The following ADAMTS19 variants were observed in gnomAD, a reference collection of about 807,000 sequenced individuals.
ADAMTS19 encodes the protein ADAM metallopeptidase with thrombospondin type 1 motif 19, also known as A disintegrin and metalloproteinase with thrombospondin motifs 19.
In ADAMTS19, 93 loss-of-function variants were observed where a neutral mutation model predicts 153.3. The ratio of observed to expected loss-of-function variants is 0.61; its 90% CI spans 0.51 to 0.72. ADAMTS19 has a LOEUF of 0.72. ADAMTS19 is among the 30% of genes least tolerant of loss of function. The pLI, the probability that ADAMTS19 is intolerant of heterozygous loss-of-function variation, is 0.00. For synonymous variants in ADAMTS19, 600 were observed against 556.6 expected, an observed-to-expected ratio of 1.08 and a Z score of -1.10; for missense variants, 1,482 against 1,552.1, an observed-to-expected ratio of 0.95 and a Z score of 0.76.
chr5:129,612,751 A>T (rs1367976276), intron 8 of ADAMTS19, among the ~76,000 whole-genome samples: 1 of 152,144 alleles, frequency 6.6e-6, no homozygotes, highest in South Asian at 2.1e-4. Flanking sequence ...GGCAAATTGG[A>T]TAAAGAGTCA....
chr5:129,620,632 A>G lies in ADAMTS19; in HGVS notation c.1493A>G (p.His498Arg), dbSNP rs1283888407. Reference protein sequence around the residue: ...HEMGHNMGINHDNDHPSCADG... With the variant: ...HEMGHNMGINRDNDHPSCADG... ...TTCCAAATCAGCATGGGCATTAACCATGACAATGACCACCCATCGTGTGCT... is the reference window on the plus strand; with the variant it reads ...TTCCAAATCAGCATGGGCATTAACCGTGACAATGACCACCCATCGTGTGCT... Residue 498 changes from histidine to arginine, a missense_variant, in exon 9 of 23, where the codon CAT becomes CGT. By Grantham distance (29) the His-to-Arg change is conservative. Transcript: ENST00000274487. 1 of 1,605,188 alleles carries G rather than the reference A, an allele frequency of 6.2e-7. No homozygotes were observed. Among genetic ancestry groups the G allele is most frequent in the Non-Finnish European group, 8.5e-7 (1 of 1,175,336 alleles).
intron 8 of ADAMTS19, among the ~76,000 whole-genome samples, chr5:129,605,430 T>C (rs1270743025): frequency 6.6e-6 from 1 of 152,224 alleles, no homozygotes; most frequent in Non-Finnish European, 1.5e-5. Context: ...CTTTGATTTC[T>C]GCCTGGAAAG....
chr5:129,592,648 A>T (rs1750195927), intron 7 of ADAMTS19, among the ~76,000 whole-genome samples: 2 of 152,154 alleles, frequency 1.3e-5, no homozygotes. Flanking sequence ...AATTTATCAG[A>T]GTCTCAGTTG....
chr5:129,519,470 C>T, intron 3 of ADAMTS19, among the ~76,000 whole-genome samples: 1 of 152,014 alleles, frequency 6.6e-6, no homozygotes, highest in East Asian at 1.9e-4. Flanking sequence ...ACTCCCTTGG[C>T]CATCCTAGCT....
intron 7 of ADAMTS19, among the ~76,000 whole-genome samples, chr5:129,554,633 T>C (rs553975441): frequency 6.6e-6 from 1 of 152,224 alleles, no homozygotes; most frequent in South Asian, 2.1e-4. Context: ...TCCTGGATGA[T>C]ATTGTTGAAT....
At chr5:129,665,276 T>C (rs548219288) in intron 15 of ADAMTS19, among the ~76,000 whole-genome samples, 1 of 151,552 alleles carries the variant, frequency 6.6e-6, no homozygotes, top group African/African-American at 2.4e-5. Flanking sequence ...TTACATAAAA[T>C]AAAAGTGCCT....
At chr5:129,663,067 TG>T (rs1357417819) in intron 15 of ADAMTS19, among the ~76,000 whole-genome samples, 7 of 152,002 alleles carry the variant, frequency 4.6e-5, no homozygotes, top group Non-Finnish European at 1.0e-4. Context: ...GCTAATTTTT[TG>T]TATTTTTAGT....
intron 2 of ADAMTS19, among the ~76,000 whole-genome samples, chr5:129,471,765 C>G (rs987806517): frequency 6.6e-5 from 10 of 152,118 alleles, no homozygotes; most frequent in Non-Finnish European, 1.5e-5. Context: ...TCCATGTGTT[C>G]TCATCATTTA....
intron 21 of ADAMTS19, among the ~76,000 whole-genome samples, chr5:129,709,585 T>G (rs929824418): frequency 1.3e-5 from 2 of 152,198 alleles, no homozygotes; most frequent in Admixed American, 6.5e-5. Context: ...TCTTTAAGTG[T>G]GCTTTGCATA....
intron 21 of ADAMTS19, among the ~76,000 whole-genome samples, chr5:129,723,842 G>GTT (rs1757100905): frequency 6.6e-6 from 1 of 152,190 alleles, no homozygotes; most frequent in Non-Finnish European, 1.5e-5. Context: ...TTTGGGAAAC[G>GTT]TAAGACACCA....
intron 16 of ADAMTS19, among the ~76,000 whole-genome samples, chr5:129,673,969 G>A (rs1014006146): frequency 3.3e-5 from 5 of 151,996 alleles, no homozygotes; most frequent in African/African-American, 9.7e-5. Flanking sequence ...GGTAACTCAC[G>A]CCTGTAATGC....
chr5:129,702,101 A>G (rs1452506634), intron 20 of ADAMTS19, among the ~76,000 whole-genome samples: 1 of 152,152 alleles, frequency 6.6e-6, no homozygotes, highest in Non-Finnish European at 1.5e-5. Flanking sequence ...CCTAAGTCCT[A>G]CCTAAGTGGT....
intron 21 of ADAMTS19, among the ~76,000 whole-genome samples, chr5:129,705,195 A>G (rs1352695664): frequency 6.6e-6 from 1 of 152,154 alleles, no homozygotes; most frequent in Non-Finnish European, 1.5e-5. Context: ...CCATGCTTAG[A>G]TGGTCATAAT....
At chr5:129,545,114 T>G (rs1038647415) in intron 6 of ADAMTS19, among the ~76,000 whole-genome samples, 8 of 151,826 alleles carry the variant, frequency 5.3e-5, no homozygotes, top group Non-Finnish European at 1.2e-4. Context: ...TTTTAAAAAG[T>G]ACTAACAGGG....
At chr5:129,610,624 A>C (rs1751159643) in intron 8 of ADAMTS19, among the ~76,000 whole-genome samples, 1 of 152,162 alleles carries the variant, frequency 6.6e-6, no homozygotes, top group Admixed American at 6.6e-5. Flanking sequence ...TGAACTCATC[A>C]TTTTTTATGG....
At chr5:129,734,906 C>G in intron 21 of ADAMTS19, 26 bp from the exon 22 acceptor site, 1 of 1,495,846 alleles carries the variant, frequency 6.7e-7, no homozygotes, top group Middle Eastern at 1.8e-4. Context: ...AAAAAAGAAC[C>G]TAAACAAACC....
At chr5:129,721,093 G>A (rs1756988648) in intron 21 of ADAMTS19, among the ~76,000 whole-genome samples, 1 of 152,164 alleles carries the variant, frequency 6.6e-6, no homozygotes, top group Non-Finnish European at 1.5e-5. Context: ...ATTTATTGGA[G>A]CTTGTGTAGC....
intron 8 of ADAMTS19, among the ~76,000 whole-genome samples, chr5:129,610,463 C>T (rs1225426628): frequency 2.0e-5 from 3 of 152,046 alleles, no homozygotes; most frequent in Non-Finnish European, 4.4e-5. Context: ...CAATAGTCCC[C>T]AGTGTGTGAT....
chr5:129,735,287 T>C (rs1003398244), intron 22 of ADAMTS19, among the ~76,000 whole-genome samples, 178 bp downstream of exon 22: 1 of 151,696 alleles, frequency 6.6e-6, no homozygotes, highest in Non-Finnish European at 1.5e-5. Context: ...GGTAAAAAAG[T>C]CCTAAAAACT....
Sources: gnomAD v4.1 joint callset for allele counts (sites outside exome capture counted in the v4.1 genomes callset) on GRCh38, gnomAD v4.1.1 for gene constraint, MANE v1.5 for transcripts, NCBI Gene and HGNC (gene_info 2026-07-23, HGNC 2026-07-21) for gene names.